The following EXT1 variants were observed in gnomAD, a reference collection of about 807,000 sequenced individuals.
The protein encoded by EXT1 is exostosin glycosyltransferase 1.
In EXT1, 20 loss-of-function variants were observed where a neutral mutation model predicts 82.5. The observed-to-expected ratio is 0.24, with a 90% confidence interval of 0.17 to 0.35. The LOEUF (loss-of-function observed/expected upper bound fraction) is 0.35. Ranked by LOEUF, EXT1 falls within the 10% of genes least tolerant of loss-of-function variation. The pLI, the probability that EXT1 is intolerant of heterozygous loss-of-function variation, is 1.00. For missense variants in EXT1, 757 were observed against 936.5 expected, an observed-to-expected ratio of 0.81 and a Z score of 2.50; for synonymous variants, 348 against 350.8, an observed-to-expected ratio of 0.99 and a Z score of 0.09.
rs890583394 is a variant in EXT1, at chr8:117,823,295, T to C, written c.1285-698A>G. Reference sequence around the variant, plus strand: ...GCTAGTTCATTAGTTTCTTTGGACTTTGGGACCTTGCAGATCATTAAATTC... The same window carrying C: ...GCTAGTTCATTAGTTTCTTTGGACTCTGGGACCTTGCAGATCATTAAATTC... On this transcript the variant is annotated intron_variant, in intron 4 of 10. Transcript: ENST00000378204. Among the ~76,000 whole-genome samples the C allele has an allele frequency of 6.6e-5, 10 of 152,250 alleles. No homozygotes were observed. The East Asian group carries it at 1.9e-3, about 29-fold the overall frequency.
In EXT1 at chr8:118,106,413, C is replaced by T. The variant is rs192416728; in HGVS notation, c.962+3672G>A. Reference sequence around the variant, plus strand: ...GCCTTAAGCAAACCCCTGAAACGTTCTGTCCCTCAGTTTCTACATCTGTAA... The same window carrying T: ...GCCTTAAGCAAACCCCTGAAACGTTTTGTCCCTCAGTTTCTACATCTGTAA... On this transcript the variant is annotated intron_variant, in intron 1 of 10. Transcript: ENST00000378204. Among the ~76,000 whole-genome samples, 239 of 152,362 alleles carry T rather than the reference C, an allele frequency of 1.6e-3. 1 individual carries two copies. The highest frequency in any genetic ancestry group is 5.7e-3 in the African/African-American group (237 of 41,592).
At chr8:117,995,721 C>T (rs370514433) in intron 1 of EXT1, among the ~76,000 whole-genome samples, 2 of 152,100 alleles carry the variant, frequency 1.3e-5, no homozygotes, top group African/African-American at 4.8e-5. Context: ...CAAAGATGCC[C>T]CTATGTGTCT....
At chr8:117,860,493 C>A (rs1411878063) in intron 1 of EXT1, among the ~76,000 whole-genome samples, 1 of 152,106 alleles carries the variant, frequency 6.6e-6, no homozygotes, top group Non-Finnish European at 1.5e-5. Flanking sequence ...ACTTGTGCCC[C>A]CTAAATCTAT....
At chr8:118,008,304 G>C in intron 1 of EXT1, among the ~76,000 whole-genome samples, 1 of 151,730 alleles carries the variant, frequency 6.6e-6, no homozygotes, top group Non-Finnish European at 1.5e-5. Flanking sequence ...TTGTTGCCCA[G>C]GCTGGAGTGC....
At chr8:117,801,251 G>A (rs894001070) in intron 10 of EXT1, among the ~76,000 whole-genome samples, 1 of 152,210 alleles carries the variant, frequency 6.6e-6, no homozygotes, top group African/African-American at 2.4e-5. Context: ...CCACAATCTG[G>A]TGAAGTATCT....
intron 1 of EXT1, among the ~76,000 whole-genome samples, chr8:118,031,530 A>C (rs2129879505): frequency 6.6e-6 from 1 of 152,220 alleles, no homozygotes; most frequent in South Asian, 2.1e-4. Flanking sequence ...ATCTCAAAAA[A>C]AAAAAAATTC....
chr8:118,090,124 A>C (rs555229578), intron 1 of EXT1, among the ~76,000 whole-genome samples: 1 of 152,278 alleles, frequency 6.6e-6, no homozygotes, highest in South Asian at 2.1e-4. Context: ...AAAAACCTGT[A>C]AAAAAGAGCC....
intron 1 of EXT1, among the ~76,000 whole-genome samples, chr8:118,073,351 T>C (rs1258133033): frequency 1.3e-5 from 2 of 152,204 alleles, no homozygotes; most frequent in African/African-American, 4.8e-5. Context: ...CAGGGTGCAG[T>C]GGCTCACCCC....
intron 1 of EXT1, among the ~76,000 whole-genome samples, chr8:117,998,971 T>C (rs1251932340): frequency 1.3e-5 from 2 of 152,204 alleles, no homozygotes; most frequent in South Asian, 2.1e-4. Flanking sequence ...ATAAGTCATG[T>C]ATAAACACAA....
chr8:117,935,137 G>C (rs1446241006), intron 1 of EXT1, among the ~76,000 whole-genome samples: 2 of 152,056 alleles, frequency 1.3e-5, no homozygotes, highest in Non-Finnish European at 2.9e-5. Context: ...TGAGAATTAA[G>C]TGATAACGGA....
At chr8:118,098,758 CAA>C (rs3050886) in intron 1 of EXT1, among the ~76,000 whole-genome samples, 6,946 of 128,052 alleles carry the variant, frequency 0.054, 448 homozygotes, top group African/African-American at 0.17. Context: ...GACTCTGTCT[CAA>C]AAAAAAAAAA....
intron 1 of EXT1, among the ~76,000 whole-genome samples, chr8:117,896,962 G>A (rs1195880799): frequency 6.6e-6 from 1 of 152,020 alleles, no homozygotes; most frequent in South Asian, 2.1e-4. Context: ...CTGCCTCCAT[G>A]TTTCCCTTCA....
chr8:117,869,550 T>G (rs1812834385), intron 1 of EXT1, among the ~76,000 whole-genome samples: 1 of 152,214 alleles, frequency 6.6e-6, no homozygotes, highest in Non-Finnish European at 1.5e-5. Context: ...TTAGTAAATT[T>G]CCTTCTTTTT....
Position 118,110,663 on chromosome 8 carries a change from G to A in EXT1, c.384C>T (p.Ala128=). The stretch of plus-strand genomic sequence containing the variant: ...CCGCTAGAATGTTTTGGTAACTTTC[G>A]GCGATTTTCTCCCCTTTTTGCTGTG... ...VYPQQKGEKI[A]ESYQNILAAI... is the part of the protein sequence containing the mutation. The change falls in exon 1 of 11, where the codon GCC becomes GCT. Residue 128 remains alanine, a synonymous_variant. Transcript: ENST00000378204. 6.2e-7 allele frequency: 1 copy of A among 1,614,126 alleles called. No individual in the cohort carries two copies. Among genetic ancestry groups the A allele is most frequent in the African/African-American group, 1.3e-5 (1 of 75,008 alleles).
chr8:117,966,919 C>T (rs932966843), intron 1 of EXT1, among the ~76,000 whole-genome samples: 1 of 152,194 alleles, frequency 6.6e-6, no homozygotes, highest in Non-Finnish European at 1.5e-5. Flanking sequence ...AAACTAGCTA[C>T]TTAAACAGCA....
At chr8:117,839,926 CT>C (rs1812247869) in intron 1 of EXT1, among the ~76,000 whole-genome samples, 1 of 152,118 alleles carries the variant, frequency 6.6e-6, no homozygotes, top group Admixed American at 6.5e-5. Flanking sequence ...TGAGAAAATG[CT>C]GATGAGATGA....
At chr8:117,888,507 A>C (rs1813188493) in intron 1 of EXT1, among the ~76,000 whole-genome samples, 1 of 152,136 alleles carries the variant, frequency 6.6e-6, no homozygotes. Context: ...CACTATATAT[A>C]TATATATCCT....
intron 1 of EXT1, among the ~76,000 whole-genome samples, chr8:117,869,345 G>A (rs893554228): frequency 6.6e-6 from 1 of 152,210 alleles, no homozygotes; most frequent in Non-Finnish European, 1.5e-5. Flanking sequence ...GGATTGGAAG[G>A]ACAAACTGTA....
chr8:117,891,772 G>C (rs974729258), intron 1 of EXT1, among the ~76,000 whole-genome samples: 11 of 151,032 alleles, frequency 7.3e-5, no homozygotes, highest in African/African-American at 2.7e-4. Flanking sequence ...TCCTAAGCAG[G>C]AGTGAGGGCA....
Sources: allele counts gnomAD v4.1 joint callset (sites outside exome capture counted in the v4.1 genomes callset), GRCh38; gene constraint gnomAD v4.1.1; transcripts MANE v1.5; gene names NCBI Gene and HGNC (gene_info 2026-07-23, HGNC 2026-07-21).